FUT8: variants seen among roughly 807,000 people sequenced by gnomAD.
FUT8 encodes the protein alpha-(1,6)-fucosyltransferase.
Under a neutral mutation model 71.3 loss-of-function variants are expected in FUT8, and 29 were observed. That is an observed-to-expected ratio of 0.41 (90% CI 0.30 to 0.55). FUT8 has a LOEUF of 0.55. FUT8 is among the 20% of genes least tolerant of loss of function. The pLI is 0.34. For missense variants in FUT8, 544 were observed against 702.1 expected, an observed-to-expected ratio of 0.77 and a Z score of 2.55; for synonymous variants, 254 against 239.3, an observed-to-expected ratio of 1.06 and a Z score of -0.57.
rs578259800 is a variant in FUT8, at chr14:65,441,610, G to A, written c.-325-14011G>A. Among the ~76,000 whole-genome samples, 12 of 151,954 alleles carry A rather than the reference G, an allele frequency of 7.9e-5. No individual in the cohort carries two copies. In the South Asian group the frequency reaches 1.0e-3, roughly 13 times the overall value. Reference sequence around the variant, plus strand: ...ACACACACAAAAAAAAAAATTAGCCGGGTGTGGTGGCACATGCCTGTAATC... The same window carrying A: ...ACACACACAAAAAAAAAAATTAGCCAGGTGTGGTGGCACATGCCTGTAATC... On this transcript the variant is annotated intron_variant, in intron 1 of 10. Transcript: ENST00000673929.
chr14:65,447,526 A>AT (rs544350874), intron 1 of FUT8, among the ~76,000 whole-genome samples: 90 of 152,096 alleles, frequency 5.9e-4, no homozygotes, highest in Non-Finnish European at 1.1e-3. Context: ...GATTAAAACA[A>AT]TTTTTTCTTC....
chr14:65,699,859 C>T (rs934187680), intron 7 of FUT8, among the ~76,000 whole-genome samples: 13 of 152,170 alleles, frequency 8.5e-5, no homozygotes, highest in African/African-American at 2.2e-4. Context: ...ACGCAAGTTA[C>T]GTTCCATGTA....
At chr14:65,392,917 C>A in the FUT8 span, among the ~76,000 whole-genome samples, 1 of 152,126 alleles carries the variant, frequency 6.6e-6, no homozygotes, top group Non-Finnish European at 1.5e-5. Context: ...ATAAGTATGT[C>A]CCAGGCGATA....
chr14:65,597,815 T>A (rs1888076875), intron 3 of FUT8, among the ~76,000 whole-genome samples: 1 of 152,158 alleles, frequency 6.6e-6, no homozygotes, highest in Admixed American at 6.5e-5. Context: ...CAGTTTAACA[T>A]TGAGCCAGGT....
At chr14:65,714,947 A>C (rs1196169773) in intron 7 of FUT8, among the ~76,000 whole-genome samples, 1 of 152,086 alleles carries the variant, frequency 6.6e-6, no homozygotes, top group East Asian at 1.9e-4. Context: ...CTGCAACTTT[A>C]CTGAATTTAT....
At chr14:65,537,028 A>AT (rs59589281) in intron 2 of FUT8, among the ~76,000 whole-genome samples, 3 of 145,060 alleles carry the variant, frequency 2.1e-5, no homozygotes, top group African/African-American at 2.5e-5. Flanking sequence ...AAGTTCTATG[A>AT]TTTTTTTTCC....
intron 3 of FUT8, among the ~76,000 whole-genome samples, chr14:65,600,450 A>G (rs973313903): frequency 6.6e-6 from 1 of 152,222 alleles, no homozygotes; most frequent in African/African-American, 2.4e-5. Flanking sequence ...GTGCCCTCAC[A>G]GATTTGAATG....
chr14:65,407,934 TC>T (rs1193239126), upstream of FUT8, among the ~76,000 whole-genome samples: 1 of 152,124 alleles, frequency 6.6e-6, no homozygotes, highest in Non-Finnish European at 1.5e-5. Context: ...GAGAACTCCT[TC>T]CCCCAGATAT....
intron 2 of FUT8, among the ~76,000 whole-genome samples, chr14:65,510,939 T>G (rs975005786): frequency 2.6e-5 from 4 of 152,124 alleles, no homozygotes; most frequent in African/African-American, 4.8e-5. Flanking sequence ...TATTTTCTTC[T>G]ACTACTTTTG....
chr14:65,623,870 A>G (rs542723026), intron 5 of FUT8, among the ~76,000 whole-genome samples: 4 of 152,280 alleles, frequency 2.6e-5, no homozygotes, highest in South Asian at 4.1e-4. Flanking sequence ...GGTCTTTAGT[A>G]TGCCCACTTA....
intron 2 of FUT8, among the ~76,000 whole-genome samples, chr14:65,543,478 G>A (rs1884804710): frequency 6.6e-6 from 1 of 152,074 alleles, no homozygotes; most frequent in South Asian, 2.1e-4. Context: ...TTTTAGTATA[G>A]GAAATAGATA....
chr14:65,629,857 C>CAA (rs1555377309), intron 6 of FUT8, among the ~76,000 whole-genome samples: 148 of 143,970 alleles, frequency 1.0e-3, no homozygotes, highest in Admixed American at 1.7e-3. Flanking sequence ...CACACACACA[C>CAA]AATACAATAC....
At chr14:65,378,814 T>C in the FUT8 span, among the ~76,000 whole-genome samples, 1 of 141,938 alleles carries the variant, frequency 7.0e-6, no homozygotes, top group African/African-American at 2.5e-5. Flanking sequence ...ATAGTAATAC[T>C]TCTAAAAAAA....
At chr14:65,695,800 A>AT (rs1893961929) in intron 7 of FUT8, among the ~76,000 whole-genome samples, 1 of 151,624 alleles carries the variant, frequency 6.6e-6, no homozygotes, top group Non-Finnish European at 1.5e-5. Context: ...TTGTTGCCCT[A>AT]TTTTTGTGTC....
At chr14:65,568,981 T>C (rs1886339095) in intron 3 of FUT8, among the ~76,000 whole-genome samples, 1 of 151,842 alleles carries the variant, frequency 6.6e-6, no homozygotes, top group Non-Finnish European at 1.5e-5. Context: ...ACTTTATCTT[T>C]CATTTTGTTA....
the FUT8 span, among the ~76,000 whole-genome samples, chr14:65,391,152 TATTTA>T: frequency 6.6e-6 from 1 of 152,208 alleles, no homozygotes; most frequent in Non-Finnish European, 1.5e-5. Flanking sequence ...ATTTTTATAC[TATTTA>T]ATTAATCTTT....
intron 7 of FUT8, among the ~76,000 whole-genome samples, chr14:65,677,148 GTGTGCGCGCGCGCATGCGCGCGCA>G (rs1892770251): frequency 8.8e-6 from 1 of 114,212 alleles, no homozygotes; most frequent in South Asian, 2.7e-4. Context: ...GTGTGTGTGT[GTGTGCGCGCGCGCATGCGCGCGCA>G]CGTATGTGTG....
intron 1 of FUT8, among the ~76,000 whole-genome samples, chr14:65,420,180 G>A (rs1033552260): frequency 6.6e-6 from 1 of 152,222 alleles, no homozygotes; most frequent in Admixed American, 6.5e-5. Context: ...GGTTTTAATG[G>A]CATAAAGATG....
intron 5 of FUT8, chr14:65,617,310 T>C (rs1889338982): frequency 1.8e-6 from 2 of 1,089,984 alleles, no homozygotes; most frequent in East Asian, 2.9e-5. Context: ...ATTTTAGCAT[T>C]AATGAATCTA....
Sources: gnomAD v4.1 joint callset for allele counts (sites outside exome capture counted in the v4.1 genomes callset) on GRCh38, gnomAD v4.1.1 for gene constraint, MANE v1.5 for transcripts, NCBI Gene and HGNC (gene_info 2026-07-23, HGNC 2026-07-21) for gene names.